CNTNAP3B: variants seen among roughly 807,000 people sequenced by gnomAD.
The protein encoded by CNTNAP3B is contactin-associated protein-like 3B.
Under a neutral mutation model 108.9 loss-of-function variants are expected in CNTNAP3B, and 25 were observed. The observed-to-expected ratio is 0.23, with a 90% CI of 0.17 to 0.32. The LOEUF is 0.32. Among genes scored for constraint, CNTNAP3B ranks in the 10% least tolerant of loss-of-function variants. CNTNAP3B has a pLI of 1.00. For synonymous variants in CNTNAP3B, 103 were observed against 473.4 expected, an observed-to-expected ratio of 0.22 and a Z score of 10.16; for missense variants, 252 against 1,210.4, an observed-to-expected ratio of 0.21 and a Z score of 11.75.
intron 14 of CNTNAP3B, among the ~76,000 whole-genome samples, chr9:41,932,780 A>C (rs1049515516): frequency 1.6e-4 from 24 of 152,256 alleles, no homozygotes; most frequent in Admixed American, 1.6e-3. Context: ...GGCCTCGCAA[A>C]GTGCTGGGAT....
At chr9:41,992,811 T>G (rs1448854448) in intron 7 of CNTNAP3B, among the ~76,000 whole-genome samples, 1 of 21,540 alleles carries the variant, frequency 4.6e-5, no homozygotes, top group African/African-American at 1.1e-4. Context: ...TTCTACTGAC[T>G]TCTCTGTTCC....
chr9:41,935,886 T>C (rs564163289), intron 14 of CNTNAP3B, among the ~76,000 whole-genome samples: 1 of 152,412 alleles, frequency 6.6e-6, no homozygotes, highest in East Asian at 1.9e-4. Context: ...TGAAGTGACA[T>C]GGCTAAGGGT....
chr9:41,997,324 G>A (rs1404130239), intron 6 of CNTNAP3B, among the ~76,000 whole-genome samples: 1 of 152,206 alleles, frequency 6.6e-6, no homozygotes, highest in Non-Finnish European at 1.5e-5. Context: ...TGCTACCTTG[G>A]TATTTCTGCA....
intron 13 of CNTNAP3B, among the ~76,000 whole-genome samples, chr9:41,944,359 G>A (rs1221972913): frequency 2.1e-5 from 3 of 144,778 alleles, no homozygotes; most frequent in African/African-American, 7.7e-5. Context: ...GGGTGATTAT[G>A]GCTTATGAAT....
intron 3 of CNTNAP3B, among the ~76,000 whole-genome samples, chr9:42,075,899 C>A (rs1014490141): frequency 7.7e-6 from 1 of 129,060 alleles, no homozygotes; most frequent in Admixed American, 7.9e-5. Context: ...CTCTTTTTTG[C>A]CCAGGCTGGA....
chr9:41,928,048 A>T (rs1425244977), intron 15 of CNTNAP3B, among the ~76,000 whole-genome samples: 3 of 152,130 alleles, frequency 2.0e-5, no homozygotes, highest in Non-Finnish European at 4.4e-5. Context: ...TTTTAGAAAA[A>T]AATAACAGAA....
In CNTNAP3B at chr9:41,986,452, C is replaced by A; in HGVS notation, c.1334-141G>T. The A allele has an allele frequency of 5.7e-6, 6 of 1,049,732 alleles. 1 individual carries two copies. Among genetic ancestry groups the A allele is most frequent in the Non-Finnish European group, 3.9e-6 (3 of 765,622 alleles). 65.0% of individuals were successfully genotyped at this position (1,049,732 alleles called of 1,614,324 possible). On this transcript the variant is annotated intron_variant, in intron 8 of 23. Transcript: ENST00000377561. The stretch of plus-strand genomic sequence containing the variant: ...ATGTATCACTGAAAAAAACATTAAC[C>A]ACCTATCTTTAATTTAAAAATTTCA...
At chr9:41,915,767 A>C (rs1469568521) in intron 18 of CNTNAP3B, among the ~76,000 whole-genome samples, 1 of 142,536 alleles carries the variant, frequency 7.0e-6, no homozygotes, top group East Asian at 2.0e-4. Flanking sequence ...CTCTCATTCT[A>C]TTAATCTTGT....
chr9:41,939,609 ATT>A (rs1824271640), intron 13 of CNTNAP3B, among the ~76,000 whole-genome samples: 1 of 152,306 alleles, frequency 6.6e-6, no homozygotes, highest in South Asian at 2.1e-4. Context: ...CGTAAAAGAT[ATT>A]TTTAAAAATT....
intron 13 of CNTNAP3B, among the ~76,000 whole-genome samples, chr9:41,948,356 T>G (rs1275811601): frequency 6.6e-6 from 1 of 152,234 alleles, no homozygotes; most frequent in Non-Finnish European, 1.5e-5. Flanking sequence ...CCTCCCAAAG[T>G]GCTGGGATCA....
intron 12 of CNTNAP3B, among the ~76,000 whole-genome samples, chr9:41,957,779 G>A (rs1490827047): frequency 6.6e-6 from 1 of 152,232 alleles, no homozygotes; most frequent in Non-Finnish European, 1.5e-5. Flanking sequence ...TGGTTTTTTT[G>A]AGACAAAATC....
intron 3 of CNTNAP3B, among the ~76,000 whole-genome samples, chr9:42,042,989 C>A (rs1402372940): frequency 1.3e-5 from 2 of 148,710 alleles, no homozygotes; most frequent in Non-Finnish European, 3.0e-5. Flanking sequence ...AAATTCAAAT[C>A]ATCATCATCA....
At chr9:41,925,304 C>A (rs1334913566) in intron 15 of CNTNAP3B, among the ~76,000 whole-genome samples, 3 of 152,010 alleles carry the variant, frequency 2.0e-5, no homozygotes, top group Non-Finnish European at 2.9e-5. Context: ...TTAGAAATAG[C>A]TTTTCTCGGC....
chr9:41,962,842 G>A (rs551294211), intron 11 of CNTNAP3B, among the ~76,000 whole-genome samples: 8 of 152,248 alleles, frequency 5.3e-5, no homozygotes, highest in African/African-American at 1.7e-4. Flanking sequence ...GTAGTCCCAG[G>A]TACTCGGGAG....
At chr9:41,935,658 G>A (rs1824135187) in intron 14 of CNTNAP3B, among the ~76,000 whole-genome samples, 1 of 152,230 alleles carries the variant, frequency 6.6e-6, no homozygotes. Flanking sequence ...TACAAGAGTT[G>A]GGTTAGGATT....
intron 13 of CNTNAP3B, among the ~76,000 whole-genome samples, chr9:41,949,944 C>G (rs1315675025): frequency 6.6e-6 from 1 of 152,118 alleles, no homozygotes; most frequent in Non-Finnish European, 1.5e-5. Context: ...AATAGGCAAG[C>G]AACAGAGTGG....
rs2605856 is a variant in CNTNAP3B at position 42,125,420 on chromosome 9, T to C, written c.85+3590A>G. On this transcript the variant is annotated intron_variant, in intron 1 of 23. Coordinates refer to ENST00000377561, the MANE Select transcript of CNTNAP3B (RefSeq NM_001201380.3). ...CTGCTGGTTTCTGAATGCTCTGCCA[T>C]GGTCCTGGGCCTCCCCACTACCCAG... Among the ~76,000 whole-genome samples, 25 of 141,954 alleles carry C rather than the reference T, an allele frequency of 1.8e-4. 1 individual carries two copies. The highest frequency in any genetic ancestry group is 3.4e-4 in the Non-Finnish European group (22 of 65,556). The allele number at this position is 141,954 out of a possible 152,430, so 93.1% of individuals were successfully genotyped here.
intron 14 of CNTNAP3B, among the ~76,000 whole-genome samples, chr9:41,932,492 T>G (rs1244596333): frequency 6.9e-6 from 1 of 145,508 alleles, no homozygotes; most frequent in Non-Finnish European, 1.5e-5. Flanking sequence ...GGAGAAATGT[T>G]GAGTCAACTT....
chr9:41,962,562 G>A (rs1026828867), intron 11 of CNTNAP3B, among the ~76,000 whole-genome samples: 2 of 145,958 alleles, frequency 1.4e-5, no homozygotes, highest in Non-Finnish European at 3.0e-5. Context: ...CCTGGAGGAT[G>A]AAAGATACAC....
Sources: allele counts gnomAD v4.1 joint callset (sites outside exome capture counted in the v4.1 genomes callset), GRCh38; gene constraint gnomAD v4.1.1; transcripts MANE v1.5; gene names NCBI Gene and HGNC (gene_info 2026-07-23, HGNC 2026-07-21).